Variants in SLC66A2 observed in about 807,000 individuals in gnomAD.
SLC66A2 encodes solute carrier family 66 member 2.
A neutral mutation model predicts 25.5 loss-of-function variants in SLC66A2; 23 were observed. That is an observed-to-expected ratio of 0.90 (90% CI 0.65 to 1.28). SLC66A2 has a LOEUF of 1.28. Ranked by LOEUF, SLC66A2 falls within the 50% of genes most tolerant of loss-of-function variation. The pLI, the probability that SLC66A2 is intolerant of heterozygous loss-of-function variation, is 0.00. For synonymous variants in SLC66A2, 193 were observed against 166.5 expected (o/e 1.16, Z -1.23); for missense variants, 396 against 373.1 (o/e 1.06, Z -0.51).
chr18:79,916,222 ACCT>A (rs1984104019), intron 5 of SLC66A2, among the ~76,000 whole-genome samples: 1 of 120,426 alleles, frequency 8.3e-6, no homozygotes, highest in African/African-American at 3.3e-5. Context: ...GCGCTCTTGT[ACCT>A]GCGGCACTCC....
chr18:79,934,128 T>A (rs1986845402), intron 3 of SLC66A2, 106 bp from the exon 4 acceptor site: 25 of 599,982 alleles, frequency 4.2e-5, no homozygotes, highest in African/African-American at 1.1e-4. Flanking sequence ...TGCATTTCTT[T>A]AAAAAAAAAA....
At chr18:79,930,666 A>G (rs957317754) in intron 4 of SLC66A2, among the ~76,000 whole-genome samples, 2 of 152,236 alleles carry the variant, frequency 1.3e-5, no homozygotes, top group African/African-American at 4.8e-5. Flanking sequence ...AATATATTTG[A>G]CAATAATATT....
chr18:79,942,996 C>T (rs917894377), intron 3 of SLC66A2, among the ~76,000 whole-genome samples: 54 of 152,170 alleles, frequency 3.5e-4, no homozygotes, highest in African/African-American at 1.3e-3. Flanking sequence ...GACCTGGTAC[C>T]GTCTGACCTG....
intron 5 of SLC66A2, among the ~76,000 whole-genome samples, chr18:79,909,616 ACCACAGAGTCCG>A (rs1235742381): frequency 3.8e-5 from 4 of 104,692 alleles, no homozygotes; most frequent in African/African-American, 1.4e-4. Context: ...CCAGCATCTC[ACCACAGAGTCCG>A]CAACCTTCCC....
chr18:79,940,341 G>T lies in SLC66A2; in HGVS notation c.337+2988C>A, dbSNP rs545873948. On this transcript the variant is annotated intron_variant, in intron 3 of 5. Coordinates refer to ENST00000397778, the MANE Select transcript of SLC66A2 (RefSeq NM_025078.5). The surrounding 1 kb of genome is among the most constrained non-coding windows in gnomAD (Gnocchi z 4.1). ...ACACTGGCCGGGCGCAGTGGGTCAC[G>T]CCCGTAATGCCAGCACTTCGGGAGG... is the stretch of plus-strand genomic sequence containing the variant. Among the ~76,000 whole-genome samples, 1 of 152,272 alleles carries T rather than the reference G, an allele frequency of 6.6e-6. No individual in the cohort carries two copies. Among genetic ancestry groups the T allele is most frequent in the East Asian group, 1.9e-4 (1 of 5,180 alleles).
At chr18:79,919,134 T>C (rs759689625) in intron 5 of SLC66A2, 50 bp downstream of exon 5, 5 of 1,495,224 alleles carry the variant, frequency 3.3e-6, no homozygotes, top group Non-Finnish European at 4.6e-6. Context: ...TCTGCAGCCA[T>C]GTGGTGCCTC....
At chr18:79,933,819 A>G (rs1986806980) in intron 4 of SLC66A2, 150 bp downstream of exon 4, 1 of 645,428 alleles carries the variant, frequency 1.5e-6, no homozygotes. Flanking sequence ...CAGCAGAGCT[A>G]GGAGTTGATT....
chr18:79,924,791 TTCCTTCAACTCCAAGTC>T (rs1386464459), intron 4 of SLC66A2: 1 of 152,234 alleles, frequency 6.6e-6, no homozygotes, highest in African/African-American at 2.4e-5. Flanking sequence ...TTGAAAATAG[TTCCTTCAACTCCAAGTC>T]TGGGAATTAA....
Position 79,903,942 on chromosome 18 carries a change from G to A in SLC66A2, c.*34C>T, listed in dbSNP as rs112693991. 40 of 1,560,568 alleles carry A rather than the reference G, an allele frequency of 2.6e-5. No homozygotes were observed. The highest frequency in any genetic ancestry group is 1.2e-4 in the African/African-American group (9 of 73,432). On this transcript the variant is annotated 3_prime_UTR_variant, in exon 6 of 6. Transcript: ENST00000397778. ...GAGGTCAGGGCCCACCAGTGCCCGC[G>A]GCTGGCGGTCCCACATCCTCGTCCT... is the stretch of plus-strand genomic sequence containing the variant.
In SLC66A2 at chr18:79,916,382, C is replaced by T. The variant is rs146674389; in HGVS notation, c.608+2802G>A. Among the ~76,000 whole-genome samples the T allele has an allele frequency of 1.3e-3, 193 of 152,230 alleles. 1 individual carries two copies. Among genetic ancestry groups the T allele is most frequent in the African/African-American group, 4.2e-3 (175 of 41,486 alleles). ...TTGGGGTGCTTTAGGCCTCAGAAAA[C>T]AGAATCTCTCTGACCTTTTGCCCTC... On this transcript the variant is annotated intron_variant, in intron 5 of 5. Transcript: ENST00000397778.
At chr18:79,916,760 C>T (rs1984220849) in intron 5 of SLC66A2, among the ~76,000 whole-genome samples, 1 of 152,214 alleles carries the variant, frequency 6.6e-6, no homozygotes, top group Admixed American at 6.5e-5. Flanking sequence ...CCTCACTCGG[C>T]GGTTTATGTC....
chr18:79,950,984 G>C lies in SLC66A2; in HGVS notation c.-58C>G, dbSNP rs1476590885. ...CTCCGCGCCCCGCGGGCCACCGGCC[G>C]CCTGCTCATCGCCGCTCCGCGCGCT... On this transcript the variant is annotated 5_prime_UTR_variant, in exon 2 of 6. Transcript: ENST00000397778. 7.4e-7 allele frequency: 1 copy of C among 1,343,096 alleles called. No homozygotes were observed. Among genetic ancestry groups the C allele is most frequent in the East Asian group, 2.9e-5 (1 of 34,626 alleles). 83.2% of individuals were successfully genotyped at this position (1,343,096 alleles called of 1,614,324 possible).
rs145513421 is a variant in SLC66A2 at position 79,946,725 on chromosome 18, T to C, written c.204-3263A>G. ...GCTCACACCTGTAATCCCAGCACTT[T>C]GGGAGGCCAAGGCAGGTGGATCACG... On this transcript the variant is annotated intron_variant, in intron 2 of 5. Transcript: ENST00000397778. Among the ~76,000 whole-genome samples, 1,184 of 152,318 alleles carry C rather than the reference T, an allele frequency of 7.8e-3. 36 individuals are homozygous for C. Among genetic ancestry groups the C allele is most frequent in the Admixed American group, 0.065 (992 of 15,294 alleles).
rs1457955839 is a variant in SLC66A2 at position 79,940,197 on chromosome 18, A to G, written c.337+3132T>C. 6.6e-6 allele frequency among the ~76,000 whole-genome samples: 1 copy of G among 152,178 alleles called. No individual in the cohort carries two copies. Among genetic ancestry groups the G allele is most frequent in the Non-Finnish European group, 1.5e-5 (1 of 68,020 alleles). On this transcript the variant is annotated intron_variant, in intron 3 of 5. Coordinates refer to ENST00000397778, the MANE Select transcript of SLC66A2 (RefSeq NM_025078.5). The surrounding 1 kb of genome is among the most constrained non-coding windows in gnomAD (Gnocchi z 4.1). ...CTAAATGATGAGAACACATGGACAC[A>G]CAGAGGGGAACAACAGCCACTAGAG...
intron 5 of SLC66A2, among the ~76,000 whole-genome samples, chr18:79,913,699 G>T (rs974839628): frequency 5.3e-5 from 8 of 152,198 alleles, no homozygotes; most frequent in African/African-American, 1.9e-4. Context: ...GGGCTGCTAC[G>T]AGATCAACTC....
At chr18:79,947,693 C>T (rs189088947) in intron 2 of SLC66A2, among the ~76,000 whole-genome samples, 9 of 97,690 alleles carry the variant, frequency 9.2e-5, no homozygotes, top group Non-Finnish European at 2.1e-4. Context: ...AGTGTGCCTG[C>T]GCATGCGTGG....
chr18:79,924,356 T>C (rs1985667145), intron 4 of SLC66A2, among the ~76,000 whole-genome samples: 1 of 152,124 alleles, frequency 6.6e-6, no homozygotes, highest in Non-Finnish European at 1.5e-5. Flanking sequence ...AATGAGTCTG[T>C]TCCCATGAAG....
intron 1 of SLC66A2, among the ~76,000 whole-genome samples, 156 bp downstream of exon 1, chr18:79,951,425 G>A (rs1174341212): frequency 1.3e-5 from 2 of 151,262 alleles, no homozygotes; most frequent in Non-Finnish European, 3.0e-5. Context: ...GCAGGCCCAG[G>A]ATGGGGGCGC....
At chr18:79,929,571 GA>G (rs1986354042) in intron 4 of SLC66A2, among the ~76,000 whole-genome samples, 2 of 152,126 alleles carry the variant, frequency 1.3e-5, no homozygotes. Context: ...GTTCACACAG[GA>G]AAAAAATAAT....
Sources: allele counts gnomAD v4.1 joint callset (sites outside exome capture counted in the v4.1 genomes callset), GRCh38; gene constraint gnomAD v4.1.1; non-coding constraint Gnocchi (gnomAD v3.1); transcripts MANE v1.5; gene names NCBI Gene and HGNC (gene_info 2026-07-23, HGNC 2026-07-21).